ZNF799: variants seen among roughly 807,000 people sequenced by gnomAD.
ZNF799 encodes the protein zinc finger protein 799.
Under a neutral mutation model 41.0 loss-of-function variants are expected in ZNF799, and 28 were observed. That is an observed-to-expected ratio of 0.68 (90% CI 0.51 to 0.94). ZNF799 has a LOEUF of 0.94. Among genes scored for constraint, ZNF799 ranks in the 40% least tolerant of loss-of-function variants. ZNF799 has a pLI of 0.00. For missense variants in ZNF799, 716 were observed against 764.3 expected (o/e 0.94, Z 0.74); for synonymous variants, 213 against 252.9 (o/e 0.84, Z 1.50).
Position 12,390,340 on chromosome 19 carries a change from A to T in ZNF799, c.*126T>A, listed in dbSNP as rs1969788070. The T allele has an allele frequency of 6.4e-7, 1 of 1,560,748 alleles. No homozygotes were observed. The highest frequency in any genetic ancestry group is 1.9e-5 in the Admixed American group (1 of 52,860). On this transcript the variant is annotated 3_prime_UTR_variant, in exon 4 of 4. Transcript: ENST00000430385. ...GATGACTGTACTGGAAAGAAACTGA[A>T]ATTACTTAAGGTTTTACCAAGTGCT... is the stretch of plus-strand genomic sequence containing the variant.
chr19:12,401,541 CTTTTTTTTTTT>C (rs769048606), upstream of ZNF799, among the ~76,000 whole-genome samples: 19 of 41,746 alleles, frequency 4.6e-4, no homozygotes, highest in East Asian at 2.1e-3. Context: ...AACAATTATA[CTTTTTTTTTTT>C]TTTTTTTTTT....
the ZNF799 span, among the ~76,000 whole-genome samples, chr19:12,410,890 C>T: frequency 0.26 from 39,776 of 151,990 alleles, 5,421 homozygotes; most frequent in South Asian, 0.37. Flanking sequence ...CCATGTAATA[C>T]GAACGGGCAT....
the ZNF799 span, among the ~76,000 whole-genome samples, chr19:12,410,268 TA>T: frequency 1.8e-5 from 1 of 56,498 alleles, no homozygotes; most frequent in Non-Finnish European, 3.0e-5. Context: ...TATATATATA[TA>T]TATATATATA....
rs1969860885 is a variant in ZNF799 at position 12,393,948 on chromosome 19, C to T, written c.4-525G>A. On this transcript the variant is annotated intron_variant, in intron 1 of 3. Transcript: ENST00000430385. Reference sequence around the variant, plus strand: ...TACAGTATTTCCTTAACCCCATCTTCCTTCTGAGAGTTTGGAATTTTGTTA... The same window carrying T: ...TACAGTATTTCCTTAACCCCATCTTTCTTCTGAGAGTTTGGAATTTTGTTA... The T allele has an allele frequency of 5.1e-5, 9 of 175,454 alleles. No homozygotes were observed. The South Asian group carries it at 1.3e-3, about 26-fold the overall frequency. 10.9% of individuals were successfully genotyped at this position (175,454 alleles called of 1,614,324 possible). A position where few individuals can be genotyped will look rare whatever the true frequency, so the allele number is the denominator to read the frequency against.
upstream of ZNF799, among the ~76,000 whole-genome samples, chr19:12,404,491 A>G (rs571986968): frequency 6.6e-6 from 1 of 151,932 alleles, no homozygotes; most frequent in Non-Finnish European, 1.5e-5. Context: ...CTGGAGCGCA[A>G]TGTTGCAATC....
upstream of ZNF799, among the ~76,000 whole-genome samples, chr19:12,401,735 C>A (rs931927630): frequency 2.6e-5 from 4 of 151,308 alleles, no homozygotes; most frequent in Admixed American, 2.6e-4. Flanking sequence ...CCACCACACC[C>A]GGCTAATTTT....
chr19:12,408,170 C>CAAAAG, the ZNF799 span, among the ~76,000 whole-genome samples: 129 of 151,414 alleles, frequency 8.5e-4, no homozygotes, highest in Admixed American at 2.0e-3. Flanking sequence ...GATTCTGTCT[C>CAAAAG]AAAAGAAAAG....
chr19:12,394,940 A>C, intron 1 of ZNF799: 1 of 939,068 alleles, frequency 1.1e-6, no homozygotes, highest in Non-Finnish European at 1.3e-6. Context: ...AACTGGTAGA[A>C]AAGTCTTGTG....
chr19:12,413,047 CAAAAA>C, the ZNF799 span, among the ~76,000 whole-genome samples: 2 of 62,894 alleles, frequency 3.2e-5, no homozygotes, highest in South Asian at 6.9e-4. Flanking sequence ...ACTCCGTCTC[CAAAAA>C]AAAAAAAAAA....
Position 12,391,016 on chromosome 19 carries a change from T to C in ZNF799, c.1382A>G (p.Tyr461Cys), listed in dbSNP as rs537596404. 1.7e-5 allele frequency: 28 copies of C among 1,613,914 alleles called. No homozygotes were observed. Among genetic ancestry groups the C allele is most frequent in the African/African-American group, 8.0e-5 (6 of 75,026 alleles). ...CKCGKAFIDF[Y>C]SFQNHKTTHA... ...AGTTGTTTTGTGATTTTGAAAGGAA[T>C]AGAAATCAATAAAGGCTTTCCCACA... The change falls in exon 4 of 4, where the codon TAT (tyrosine) becomes TGT (cysteine). Residue 461 changes from tyrosine to cysteine, a missense_variant. Transcript: ENST00000430385.
In ZNF799 at chr19:12,390,043, G is replaced by A. The variant is rs1969783242; in HGVS notation, c.*423C>T. On this transcript the variant is annotated 3_prime_UTR_variant, in exon 4 of 4. Coordinates refer to ENST00000430385, the MANE Select transcript of ZNF799 (RefSeq NM_001080821.3). ...AGAGTTGAAACAAAGAAACTTTAATGTTCTGGCTGACTATACTATGTTGAT... is the reference window on the plus strand; with the variant it reads ...AGAGTTGAAACAAAGAAACTTTAATATTCTGGCTGACTATACTATGTTGAT... 9.5e-6 allele frequency: 2 copies of A among 211,636 alleles called. No individual in the cohort carries two copies. Among genetic ancestry groups the A allele is most frequent in the African/African-American group, 2.3e-5 (1 of 42,950 alleles). 13.1% of individuals were successfully genotyped at this position (211,636 alleles called of 1,614,324 possible). A position where few individuals can be genotyped will look rare whatever the true frequency, so the allele number is the denominator to read the frequency against.
chr19:12,396,982 AAAAT>A (rs1250081094), intron 1 of ZNF799, among the ~76,000 whole-genome samples: 1 of 152,248 alleles, frequency 6.6e-6, no homozygotes, highest in African/African-American at 2.4e-5. Flanking sequence ...AGAGCATTAG[AAAAT>A]AATTCAATGA....
At chr19:12,407,485 G>GAA in the ZNF799 span, among the ~76,000 whole-genome samples, 8 of 149,060 alleles carry the variant, frequency 5.4e-5, no homozygotes, top group African/African-American at 2.0e-4. Context: ...GAGAGAGAGA[G>GAA]AAAAAAAAAG....
intron 1 of ZNF799, chr19:12,394,998 T>G (rs563484991): frequency 3.7e-5 from 16 of 436,412 alleles, no homozygotes; most frequent in African/African-American, 3.4e-4. Context: ...TCAATACCAG[T>G]CTTGAACACA....
Position 12,391,043 on chromosome 19 carries a change from T to G in ZNF799, c.1355A>C (p.Lys452Thr), listed in dbSNP as rs1251861938. The change falls in exon 4 of 4, where the codon AAA becomes ACA. Residue 452 changes from lysine (K) to threonine (T), a missense_variant. Transcript: ENST00000430385. ...THTGEKPYKC[K>T]CGKAFIDFYS... ...GAAATCAATAAAGGCTTTCCCACAT[T>G]TGCATTTATAGGGTTTCTCTCCAGT... The G allele has an allele frequency of 3.7e-6, 6 of 1,614,190 alleles. No homozygotes were observed. Among genetic ancestry groups the G allele is most frequent in the Non-Finnish European group, 4.2e-6 (5 of 1,180,012 alleles).
rs199866936 is a variant in ZNF799, at chr19:12,391,580, C to T, written c.818G>A (p.Arg273Lys). 524 of 1,613,976 alleles carry T rather than the reference C, an allele frequency of 3.2e-4. No individual in the cohort carries two copies. Among genetic ancestry groups the T allele is most frequent in the Admixed American group, 7.0e-4 (42 of 60,000 alleles). The part of the protein sequence containing the change: ...PDYSSCLRHE[R>K]THTGKKPYTC... The stretch of plus-strand genomic sequence containing the variant: ...ATAGGGTTTCTTTCCAGTGTGAGTT[C>T]TTTCATGTCTTAGACAAGAACTGTA... Residue 273 changes from arginine (R) to lysine (K), a missense_variant, in exon 4 of 4, where the codon AGA becomes AAA. Arg to Lys is a conservative substitution (Grantham distance 26). Around this residue, in one of 2 missense-constraint regions of ZNF799, gnomAD observed 698 missense variants for 713.6 expected, o/e 0.98. Transcript: ENST00000430385.
chr19:12,414,127 C>T, the ZNF799 span, among the ~76,000 whole-genome samples: 1 of 152,066 alleles, frequency 6.6e-6, no homozygotes, highest in Non-Finnish European at 1.5e-5. Context: ...TGGAACCTCA[C>T]AGCCTCCTCG....
At position 12,390,960 on chromosome 19, in the gene ZNF799, C is replaced by T; in HGVS notation, c.1438G>A (p.Glu480Lys). The change falls in exon 4 of 4, where the codon GAA becomes AAA. Residue 480 changes from glutamate (E) to lysine (K), a missense_variant. Transcript: ENST00000430385. ...AAACAACTGAATGCTTTCCCACATT[C>T]CTTACACTCATATGGCTTCTCTCCA... ...HAGEKPYECK[E>K]CGKAFSCFQY... is the part of the protein sequence containing the mutation. The T allele has an allele frequency of 6.2e-7, 1 of 1,613,944 alleles. No individual in the cohort carries two copies. The highest frequency in any genetic ancestry group is 8.5e-7 in the Non-Finnish European group (1 of 1,179,958).
chr19:12,391,742 T>G lies in ZNF799; in HGVS notation c.656A>C (p.His219Pro). The G allele has an allele frequency of 6.2e-7, 1 of 1,614,186 alleles. No individual in the cohort carries two copies. The highest frequency in any genetic ancestry group is 8.5e-7 in the Non-Finnish European group (1 of 1,180,018). The change falls in exon 4 of 4, where the codon CAC becomes CCC. Residue 219 changes from histidine to proline, a missense_variant. This residue lies in a region of ZNF799 where 698 missense variants were observed against 713.6 expected (regional missense o/e 0.98). Coordinates refer to ENST00000430385, the MANE Select transcript of ZNF799 (RefSeq NM_001080821.3). ...ACATTCATATGGTTTCTCTCCAGTG[T>G]GCGTTCTCTCATGCATATGTAATAA... ...PSLLHMHERT[H>P]TGEKPYECKQ...
Sources: gnomAD v4.1 joint callset for allele counts (sites outside exome capture counted in the v4.1 genomes callset) on GRCh38, gnomAD v4.1.1 for gene constraint, gnomAD v4.1.1 regional missense constraint, MANE v1.5 for transcripts, NCBI Gene and HGNC (gene_info 2026-07-23, HGNC 2026-07-21) for gene names.